Variants in USP13 observed in about 807,000 individuals in gnomAD.
USP13 encodes the protein ubiquitin carboxyl-terminal hydrolase 13.
Under a neutral mutation model 107.8 loss-of-function variants are expected in USP13, and 68 were observed. That is an observed-to-expected ratio of 0.63 (90% CI 0.52 to 0.77). USP13 has a LOEUF of 0.77. Ranked by LOEUF, USP13 falls within the 30% of genes least tolerant of loss-of-function variation. The pLI is 0.00. For missense variants in USP13, 945 were observed against 1,093.3 expected, an observed-to-expected ratio of 0.86 and a Z score of 1.91; for synonymous variants, 377 against 389.5, an observed-to-expected ratio of 0.97 and a Z score of 0.38.
rs143006788 is a variant in USP13 at position 179,737,974 on chromosome 3, G to A, written c.1255-2273G>A. Among the ~76,000 whole-genome samples, 3 of 152,304 alleles carry A rather than the reference G, an allele frequency of 2.0e-5. No homozygotes were observed. The East Asian group carries it at 5.8e-4, about 29-fold the overall frequency. On this transcript the variant is annotated intron_variant, in intron 10 of 20. Coordinates refer to ENST00000263966, the MANE Select transcript of USP13 (RefSeq NM_003940.3). ...AAACACTGCATAGAACATGTGTGTT[G>A]GAGGGATGTTATATATGGAGCTGCC...
chr3:179,689,573 G>A (rs904497397), intron 2 of USP13, among the ~76,000 whole-genome samples: 2 of 151,600 alleles, frequency 1.3e-5, no homozygotes, highest in East Asian at 1.9e-4. Context: ...CAGGAGACTC[G>A]CTTGAACCCA....
At chr3:179,677,796 G>GT (rs1209361357) in intron 1 of USP13, among the ~76,000 whole-genome samples, 1 of 151,806 alleles carries the variant, frequency 6.6e-6, no homozygotes, top group South Asian at 2.1e-4. Context: ...GTTGCCTAGT[G>GT]TTTTTTTCTG....
At chr3:179,704,643 G>A (rs570901228) in intron 4 of USP13, among the ~76,000 whole-genome samples, 2 of 152,318 alleles carry the variant, frequency 1.3e-5, no homozygotes, top group South Asian at 2.1e-4. Context: ...AAGCCTGGAA[G>A]GGGCTTGTGG....
chr3:179,778,542 T>C (rs1481955299), intron 19 of USP13, among the ~76,000 whole-genome samples: 3 of 152,154 alleles, frequency 2.0e-5, no homozygotes, highest in Non-Finnish European at 4.4e-5. Flanking sequence ...AGTGGGTGGA[T>C]TACCTGAGGT....
At chr3:179,694,183 C>G (rs758805918) in intron 3 of USP13, among the ~76,000 whole-genome samples, 1 of 152,124 alleles carries the variant, frequency 6.6e-6, no homozygotes, top group Non-Finnish European at 1.5e-5. Flanking sequence ...CCATGTTGCC[C>G]AGGCTGGTCT....
rs147661844 is a variant in USP13, at chr3:179,724,542, A to G, written c.1088+2953A>G. Among the ~76,000 whole-genome samples the G allele has an allele frequency of 5.4e-3, 825 of 152,240 alleles. 9 individuals are homozygous for G. Among genetic ancestry groups the G allele is most frequent in the African/African-American group, 0.019 (789 of 41,564 alleles). Reference sequence around the variant, plus strand: ...AAAAGAAAAATGACTCAGAAAGATTAACTGGCTTATGAACAGCCGTAGCAT... The same window carrying G: ...AAAAGAAAAATGACTCAGAAAGATTGACTGGCTTATGAACAGCCGTAGCAT... On this transcript the variant is annotated intron_variant, in intron 8 of 20. Transcript: ENST00000263966.
At chr3:179,659,325 T>TC (rs1420768182) in intron 1 of USP13, among the ~76,000 whole-genome samples, 11 of 152,204 alleles carry the variant, frequency 7.2e-5, no homozygotes, top group Admixed American at 2.0e-4. Flanking sequence ...CCTGGTATTC[T>TC]CTCAGGCATT....
At chr3:179,754,542 G>T (rs1198351521) in intron 14 of USP13, among the ~76,000 whole-genome samples, 190 bp from the exon 15 acceptor site, 2 of 152,142 alleles carry the variant, frequency 1.3e-5, no homozygotes, top group Non-Finnish European at 2.9e-5. Context: ...GCCACCCACT[G>T]TATTTTTCCC....
rs1242558635 is a variant in USP13, at chr3:179,653,144, C to G, written c.-82C>G. ...TGCCCGCGCAGCCCGCCCGTCAGCC[C>G]GCTCGCTGGCGCCGCCGCCGCCGGC... On this transcript the variant is annotated 5_prime_UTR_variant, in exon 1 of 21. Transcript: ENST00000263966. This position sits in a 1 kb window ranked among gnomAD's most constrained non-coding sequence, Gnocchi z 4.0. 2.9e-6 allele frequency: 3 copies of G among 1,025,498 alleles called. No individual in the cohort carries two copies. The highest frequency in any genetic ancestry group is 8.3e-5 in the East Asian group (1 of 11,982). 63.5% of individuals were successfully genotyped at this position (1,025,498 alleles called of 1,614,324 possible). A position where few individuals can be genotyped will look rare whatever the true frequency, so the allele number is the denominator to read the frequency against.
chr3:179,666,317 T>C (rs1348456956), intron 1 of USP13, among the ~76,000 whole-genome samples: 1 of 152,206 alleles, frequency 6.6e-6, no homozygotes, highest in Admixed American at 6.5e-5. Flanking sequence ...GTAAAGCTGC[T>C]GAGTTGCTCT....
In USP13 at chr3:179,701,060, A is replaced by G. The variant is rs1712498627; in HGVS notation, c.408A>G (p.Glu136=). ...LNSDDYEYED[E]AKLVIFPDHY... ...GCGACGATTATGAATATGAAGATGA[A>G]GCCAAACTTGTTATATTCCCAGATC... is the stretch of plus-strand genomic sequence containing the variant. Residue 136 remains glutamate (E), a synonymous_variant, in exon 4 of 21, where the codon GAA becomes GAG. Coordinates refer to ENST00000263966, the MANE Select transcript of USP13 (RefSeq NM_003940.3). 1 of 1,613,942 alleles carries G rather than the reference A, an allele frequency of 6.2e-7. No homozygotes were observed. The highest frequency in any genetic ancestry group is 1.7e-5 in the Admixed American group (1 of 60,002).
intron 4 of USP13, among the ~76,000 whole-genome samples, chr3:179,705,933 G>T (rs1712697084): frequency 6.6e-6 from 1 of 152,144 alleles, no homozygotes; most frequent in African/African-American, 2.4e-5. Context: ...ACGTTAGCCA[G>T]GCTGGTCTCG....
intron 19 of USP13, among the ~76,000 whole-genome samples, chr3:179,775,432 G>A (rs1005343446): frequency 2.0e-5 from 3 of 152,246 alleles, no homozygotes; most frequent in African/African-American, 7.2e-5. Flanking sequence ...GTCCCCACCC[G>A]ACTCAGGAGC....
chr3:179,745,280 G>A lies in USP13; in HGVS notation c.1709+63G>A, dbSNP rs1490335763. Reference sequence around the variant, plus strand: ...GGGGCCTTGAGGGGTGGGGACAGGGGTAAGGGAAAGGGGGTGGGTGTTATT... The same window carrying A: ...GGGGCCTTGAGGGGTGGGGACAGGGATAAGGGAAAGGGGGTGGGTGTTATT... On this transcript the variant is annotated intron_variant, in intron 13 of 20. Transcript: ENST00000263966. The A allele has an allele frequency of 1.2e-5, 16 of 1,344,336 alleles. 1 individual carries two copies. In the African/African-American group the frequency reaches 1.7e-4, roughly 15 times the overall value. The allele number at this position is 1,344,336 out of a possible 1,614,324, so 83.3% of individuals were successfully genotyped here.
intron 2 of USP13, 115 bp downstream of exon 2, chr3:179,682,118 C>T (rs1165170568): frequency 1.5e-6 from 2 of 1,349,976 alleles, no homozygotes; most frequent in Admixed American, 2.4e-5. Flanking sequence ...TTCCCTTTGA[C>T]GATGAGAAAC....
At chr3:179,758,404 T>C (rs554892977) in intron 16 of USP13, among the ~76,000 whole-genome samples, 1 of 152,302 alleles carries the variant, frequency 6.6e-6, no homozygotes, top group Non-Finnish European at 1.5e-5. Context: ...GATTTGGCCA[T>C]TTATTTCCTC....
Position 179,738,549 on chromosome 3 carries a change from A to G in USP13, c.1255-1698A>G, listed in dbSNP as rs1004547142. On this transcript the variant is annotated intron_variant, in intron 10 of 20. Coordinates refer to ENST00000263966, the MANE Select transcript of USP13 (RefSeq NM_003940.3). ...CTAGTGTCCGCTTTCTAGGGTTACT[A>G]CAAGTATTAACGAGACAGTAGGTAT... Among the ~76,000 whole-genome samples, 121 of 152,192 alleles carry G rather than the reference A, an allele frequency of 8.0e-4. 1 individual carries two copies. Among genetic ancestry groups the G allele is most frequent in the Non-Finnish European group, 3.8e-4 (26 of 68,038 alleles).
chr3:179,786,961 C>T lies in USP13; in HGVS notation c.*2820C>T, dbSNP rs1715929794. 1 of 151,938 alleles carries T rather than the reference C, an allele frequency of 6.6e-6. No homozygotes were observed. Among genetic ancestry groups the T allele is most frequent in the African/African-American group, 2.4e-5 (1 of 41,370 alleles). 9.4% of individuals were successfully genotyped at this position (151,938 alleles called of 1,614,324 possible). The stretch of plus-strand genomic sequence containing the variant: ...TAATGTATCAAAGTTTTTATTTTGC[C>T]AATTGATCTAAATGCCCATATAACT... On this transcript the variant is annotated 3_prime_UTR_variant, in exon 21 of 21. Transcript: ENST00000263966.
chr3:179,767,708 TA>T (rs1715222656), intron 19 of USP13, among the ~76,000 whole-genome samples: 1 of 152,204 alleles, frequency 6.6e-6, no homozygotes, highest in Non-Finnish European at 1.5e-5. Context: ...TTGGCTTTTA[TA>T]AAACTCATGG....
Sources: allele counts gnomAD v4.1 joint callset (sites outside exome capture counted in the v4.1 genomes callset), GRCh38; gene constraint gnomAD v4.1.1; non-coding constraint Gnocchi (gnomAD v3.1); transcripts MANE v1.5; gene names NCBI Gene and HGNC (gene_info 2026-07-23, HGNC 2026-07-21).